TNRC6A: variants seen among roughly 807,000 people sequenced by gnomAD.
TNRC6A encodes the protein trinucleotide repeat containing adaptor 6A, also known as trinucleotide repeat-containing gene 6A protein.
A neutral mutation model predicts 221.2 loss-of-function variants in TNRC6A; 44 were observed. The ratio of observed to expected loss-of-function variants is 0.20; its 90% CI spans 0.16 to 0.26. The LOEUF is 0.26. TNRC6A is among the 10% of genes least tolerant of loss of function. The pLI, the probability that TNRC6A is intolerant of heterozygous loss-of-function variation, is 1.00. For missense variants in TNRC6A, 2,199 were observed against 2,404.4 expected, an observed-to-expected ratio of 0.91 and a Z score of 1.79; for synonymous variants, 847 against 838.5, an observed-to-expected ratio of 1.01 and a Z score of -0.18.
chr16:24,724,641 G>T (rs2056463546), intron 2 of TNRC6A, among the ~76,000 whole-genome samples: 1 of 152,136 alleles, frequency 6.6e-6, no homozygotes, highest in Admixed American at 6.5e-5. Flanking sequence ...AGCTACTTGA[G>T]GCTGAGGTGG....
chr16:24,654,534 G>A (rs1046852094), intron 2 of TNRC6A, among the ~76,000 whole-genome samples: 11 of 151,914 alleles, frequency 7.2e-5, no homozygotes, highest in Non-Finnish European at 1.5e-5. Context: ...GTGAAACCCC[G>A]TCTATACTTT....
intron 2 of TNRC6A, among the ~76,000 whole-genome samples, chr16:24,666,226 T>G (rs1226297559): frequency 6.6e-6 from 1 of 151,918 alleles, no homozygotes; most frequent in African/African-American, 2.4e-5. Flanking sequence ...CCCAGTACTT[T>G]GGGAGGCCAA....
At chr16:24,807,126 T>C (rs1233963448) in intron 17 of TNRC6A, among the ~76,000 whole-genome samples, 1 of 151,930 alleles carries the variant, frequency 6.6e-6, no homozygotes, top group Admixed American at 6.6e-5. Context: ...GCACCTCAGC[T>C]TCCCGAGTAG....
rs1443662380 is a variant in TNRC6A, at chr16:24,675,981, A to G, written n.402+34972A>G. 1.3e-5 allele frequency among the ~76,000 whole-genome samples: 2 copies of G among 151,440 alleles called. 1 individual carries two copies. Among genetic ancestry groups the G allele is most frequent in the African/African-American group, 4.9e-5 (2 of 41,206 alleles). ...CCAAGCAATCCTGCTTATCTTGCCT[A>G]TTAGAACTATTCCCCACCAATGCAT... On this transcript the variant is annotated intron_variant and non_coding_transcript_variant, in intron 2 of 2. Transcript: ENST00000566108.
At chr16:24,637,323 G>A (rs28460785) in intron 1 of TNRC6A, among the ~76,000 whole-genome samples, 67,351 of 151,894 alleles carry the variant, frequency 0.44, 15,236 homozygotes, top group Middle Eastern at 0.54. Context: ...GTGAGCCATC[G>A]TGCCCAGCCT....
intron 2 of TNRC6A, among the ~76,000 whole-genome samples, chr16:24,703,672 A>G (rs1193629931): frequency 6.6e-6 from 1 of 152,228 alleles, no homozygotes; most frequent in Non-Finnish European, 1.5e-5. Context: ...TTTCCCTATT[A>G]TGAATAAAAC....
At chr16:24,742,886 G>A (rs925367206) in intron 2 of TNRC6A, among the ~76,000 whole-genome samples, 2 of 152,128 alleles carry the variant, frequency 1.3e-5, no homozygotes, top group Non-Finnish European at 2.9e-5. Context: ...AGCCGAGATC[G>A]AGCCATTGCA....
intron 2 of TNRC6A, among the ~76,000 whole-genome samples, chr16:24,739,335 T>C (rs1215028463): frequency 2.6e-5 from 4 of 152,172 alleles, no homozygotes; most frequent in African/African-American, 9.7e-5. Flanking sequence ...ATCTGAGAAG[T>C]GGCCATTCAG....
intron 11 of TNRC6A, 99 bp from the exon 12 acceptor site, chr16:24,804,078 A>G: frequency 7.7e-7 from 1 of 1,298,700 alleles, no homozygotes. Flanking sequence ...GGCTGAAGTC[A>G]TTTCAGTTTG....
At chr16:24,752,635 C>T (rs568757002) in intron 3 of TNRC6A, among the ~76,000 whole-genome samples, 2 of 152,124 alleles carry the variant, frequency 1.3e-5, no homozygotes, top group African/African-American at 2.4e-5. Context: ...GTTGTGTCCT[C>T]TGTAAGTCTG....
chr16:24,767,761 T>C (rs2057504415), intron 4 of TNRC6A, among the ~76,000 whole-genome samples: 7 of 152,240 alleles, frequency 4.6e-5, no homozygotes, highest in Admixed American at 4.6e-4. Context: ...AACTAATTTA[T>C]ATCTTCAGTG....
intron 1 of TNRC6A, among the ~76,000 whole-genome samples, chr16:24,623,413 T>A (rs1900789330): frequency 6.6e-6 from 1 of 152,214 alleles, no homozygotes; most frequent in East Asian, 1.9e-4. Context: ...TTAGCCAGGA[T>A]GGTCTCGATC....
chr16:24,683,462 G>T (rs767444020), intron 2 of TNRC6A, among the ~76,000 whole-genome samples: 15 of 152,180 alleles, frequency 9.9e-5, no homozygotes, highest in Non-Finnish European at 1.8e-4. Context: ...CTCCCAAAGT[G>T]CTTGGATTAC....
chr16:24,651,587 G>A (rs558276582), intron 2 of TNRC6A, among the ~76,000 whole-genome samples: 2 of 144,762 alleles, frequency 1.4e-5, no homozygotes, highest in South Asian at 2.2e-4. Context: ...ACATTGGCAC[G>A]GTGACTCACC....
intron 18 of TNRC6A, among the ~76,000 whole-genome samples, chr16:24,814,154 G>C (rs980879503): frequency 2.0e-5 from 3 of 152,284 alleles, no homozygotes; most frequent in Admixed American, 6.5e-5. Context: ...GGCCCTGTCA[G>C]GGACCAGCTT....
At chr16:24,669,941 C>CATTTTTTTTTTTTT (rs2055256360) in intron 2 of TNRC6A, among the ~76,000 whole-genome samples, 1 of 27,162 alleles carries the variant, frequency 3.7e-5, no homozygotes, top group East Asian at 1.1e-3. Context: ...GAGGCAGCTA[C>CATTTTTTTTTTTTT]TTTTTTTTTT....
At chr16:24,736,172 A>G (rs550416075) in intron 2 of TNRC6A, among the ~76,000 whole-genome samples, 1 of 152,356 alleles carries the variant, frequency 6.6e-6, no homozygotes, top group East Asian at 1.9e-4. Flanking sequence ...TCTGTCTCAA[A>G]TAAATAATCA....
At chr16:24,792,394 G>A (rs1007421447) in intron 6 of TNRC6A, among the ~76,000 whole-genome samples, 3 of 151,942 alleles carry the variant, frequency 2.0e-5, no homozygotes, top group Non-Finnish European at 4.4e-5. Context: ...AGTGTGATTG[G>A]CTACATTGTC....
intron 1 of TNRC6A, among the ~76,000 whole-genome samples, chr16:24,614,190 A>G (rs535684181): frequency 3.2e-4 from 48 of 152,336 alleles, no homozygotes; most frequent in African/African-American, 1.2e-3. Flanking sequence ...AGTCTTTCAT[A>G]TGACAGCTGG....
Sources: allele counts gnomAD v4.1 joint callset (sites outside exome capture counted in the v4.1 genomes callset), GRCh38; gene constraint gnomAD v4.1.1; transcripts MANE v1.5; gene names NCBI Gene and HGNC (gene_info 2026-07-23, HGNC 2026-07-21).